POTEC: variants seen among roughly 807,000 people sequenced by gnomAD.
The protein encoded by POTEC is POTE ankyrin domain family member C, also known as ANKRD26-like family B member 2.
Under a neutral mutation model 62.0 loss-of-function variants are expected in POTEC, and 35 were observed. The observed-to-expected ratio is 0.56, with a 90% confidence interval of 0.43 to 0.75. POTEC has a LOEUF of 0.75. POTEC is among the 30% of genes least tolerant of loss of function. The pLI, the probability that POTEC is intolerant of heterozygous loss-of-function variation, is 0.00. For synonymous variants in POTEC, 156 were observed against 221.5 expected (o/e 0.70, Z 2.62); for missense variants, 472 against 655.9 (o/e 0.72, Z 3.06).
Position 14,528,683 on chromosome 18 carries a change from A to G in POTEC, c.1126+1800T>C, listed in dbSNP as rs1031241114. On this transcript the variant is annotated intron_variant, in intron 6 of 10. Transcript: ENST00000358970. Reference sequence around the variant, plus strand: ...ATCCTAGGATATCACTGAACAACCAAAACAACTCTGGTTCCTACTGTTTTA... The same window carrying G: ...ATCCTAGGATATCACTGAACAACCAGAACAACTCTGGTTCCTACTGTTTTA... 4.8e-5 allele frequency: 10 copies of G among 210,178 alleles called. No individual in the cohort carries two copies. In the Admixed American group the frequency reaches 5.3e-4, roughly 11 times the overall value. The allele number at this position is 210,178 out of a possible 1,614,324, so 13.0% of individuals were successfully genotyped here.
intron 9 of POTEC, among the ~76,000 whole-genome samples, chr18:14,518,133 T>G (rs1910213533): frequency 6.6e-6 from 1 of 152,176 alleles, no homozygotes; most frequent in Admixed American, 6.5e-5. Flanking sequence ...CAGGATAAAC[T>G]CCATTCACTC....
chr18:14,525,710 A>G (rs1910417670), intron 6 of POTEC, among the ~76,000 whole-genome samples: 1 of 151,376 alleles, frequency 6.6e-6, no homozygotes. Flanking sequence ...AAATCCGCTG[A>G]GCTGGTGTGC....
intron 7 of POTEC, 29 bp downstream of exon 7, chr18:14,524,884 C>A (rs770602444): frequency 1.6e-5 from 25 of 1,600,592 alleles, no homozygotes; most frequent in Non-Finnish European, 1.7e-5. Context: ...AACATTAAAT[C>A]AAAAATTTAA....
At chr18:14,531,219 C>G (rs1181771171) in intron 5 of POTEC, among the ~76,000 whole-genome samples, 1 of 151,540 alleles carries the variant, frequency 6.6e-6, no homozygotes, top group Non-Finnish European at 1.5e-5. Context: ...TTTCATAAAT[C>G]TCTCATTAAA....
chr18:14,541,444 G>A (rs911389377), intron 1 of POTEC, among the ~76,000 whole-genome samples: 62 of 152,132 alleles, frequency 4.1e-4, no homozygotes, highest in African/African-American at 1.4e-3. Flanking sequence ...AGGAGTTCAA[G>A]ACCAGCCTGG....
intron 9 of POTEC, among the ~76,000 whole-genome samples, chr18:14,521,333 A>G (rs1910301060): frequency 6.6e-6 from 1 of 152,200 alleles, no homozygotes; most frequent in African/African-American, 2.4e-5. Flanking sequence ...ACCAAACTAA[A>G]TGCTTTAAAT....
In POTEC at chr18:14,509,435, G is replaced by T. The variant is rs1476304534; in HGVS notation, c.*2463C>A. On this transcript the variant is annotated 3_prime_UTR_variant, in exon 11 of 11. Coordinates refer to ENST00000358970, the MANE Select transcript of POTEC (RefSeq NM_001137671.2). ...GCCCACCATGGCTTCATCTTCAGTG[G>T]CAGTTGGTGTGGGTTGGGGTGTGTG... 2 of 151,744 alleles carry T rather than the reference G, an allele frequency of 1.3e-5. No homozygotes were observed. The highest frequency in any genetic ancestry group is 4.8e-5 in the African/African-American group (2 of 41,294). The allele number at this position is 151,744 out of a possible 1,614,324, so 9.4% of individuals were successfully genotyped here. A position where few individuals can be genotyped will look rare whatever the true frequency, so the allele number is the denominator to read the frequency against.
In POTEC at chr18:14,521,856, G is replaced by A. The variant is rs181932083; in HGVS notation, c.1409+398C>T. On this transcript the variant is annotated intron_variant, in intron 9 of 10. Coordinates refer to ENST00000358970, the MANE Select transcript of POTEC (RefSeq NM_001137671.2). ...ATAACAGACACCAGGGTCTACTTGA[G>A]GGTGGAGTGTGGCAGGAGGGAGACG... 2.7e-3 allele frequency among the ~76,000 whole-genome samples: 413 copies of A among 152,214 alleles called. 3 individuals are homozygous for A. Among genetic ancestry groups the A allele is most frequent in the African/African-American group, 9.4e-3 (390 of 41,544 alleles).
chr18:14,516,761 A>G (rs559433946), intron 9 of POTEC, among the ~76,000 whole-genome samples: 5 of 151,702 alleles, frequency 3.3e-5, no homozygotes, highest in African/African-American at 1.2e-4. Flanking sequence ...TTGAAAATAA[A>G]ATGACCTGGT....
At chr18:14,533,526 A>G (rs1178613599) in intron 4 of POTEC, among the ~76,000 whole-genome samples, 2 of 152,160 alleles carry the variant, frequency 1.3e-5, no homozygotes, top group Admixed American at 1.3e-4. Context: ...AGATTTTGTC[A>G]CAGCTTCCCT....
At chr18:14,530,445 A>C in intron 6 of POTEC, 38 bp downstream of exon 6, 1 of 1,601,482 alleles carries the variant, frequency 6.2e-7, no homozygotes, top group Non-Finnish European at 8.5e-7. Context: ...AACATTGTGG[A>C]CAACTGACCT....
At chr18:14,518,106 TAATC>T (rs1249642555) in intron 9 of POTEC, among the ~76,000 whole-genome samples, 1 of 152,178 alleles carries the variant, frequency 6.6e-6, no homozygotes, top group Non-Finnish European at 1.5e-5. Flanking sequence ...AAGTGAGAAT[TAATC>T]AAACAATATA....
At chr18:14,516,609 C>A (rs1350635173) in intron 9 of POTEC, among the ~76,000 whole-genome samples, 1 of 145,442 alleles carries the variant, frequency 6.9e-6, no homozygotes, top group East Asian at 2.0e-4. Flanking sequence ...TCTCTCAACA[C>A]CTGGGAATTA....
At chr18:14,514,939 T>C (rs1235222217) in intron 9 of POTEC, among the ~76,000 whole-genome samples, 1 of 152,134 alleles carries the variant, frequency 6.6e-6, no homozygotes, top group African/African-American at 2.4e-5. Flanking sequence ...ATATCAAGAA[T>C]CCAATCCTTT....
rs767689855 is a variant in POTEC, at chr18:14,542,704, C to G, written c.443G>C (p.Trp148Ser). 1.9e-6 allele frequency: 3 copies of G among 1,613,060 alleles called. No individual in the cohort carries two copies. In the African/African-American group the frequency reaches 4.0e-5, roughly 22 times the overall value. The change falls in exon 1 of 11, where the codon TGG (tryptophan) becomes TCG (serine). Residue 148 changes from tryptophan to serine, a missense_variant. Physicochemically the swap from Trp to Ser is radical, Grantham distance 177 (BLOSUM62 -3). This residue lies in a region of POTEC where 257 missense variants were observed against 250.7 expected (regional missense o/e 1.03). Coordinates refer to ENST00000358970, the MANE Select transcript of POTEC (RefSeq NM_001137671.2). Reference sequence around the variant, plus strand: ...ATCCTTTCTGGGGACCTTACCCCACCAGGCAGCTCTGTGGAGCTTGTCCAG... The same window carrying G: ...ATCCTTTCTGGGGACCTTACCCCACGAGGCAGCTCTGTGGAGCTTGTCCAG... ...EDLDKLHRAA[W>S]WGKVPRKDLI...
chr18:14,518,111 A>T (rs927855158), intron 9 of POTEC, among the ~76,000 whole-genome samples: 8 of 152,204 alleles, frequency 5.3e-5, no homozygotes, highest in African/African-American at 1.9e-4. Context: ...AGAATTAATC[A>T]AACAATATAT....
At chr18:14,540,365 T>C (rs1169122280) in intron 1 of POTEC, among the ~76,000 whole-genome samples, 7 of 152,302 alleles carry the variant, frequency 4.6e-5, no homozygotes, top group Admixed American at 1.3e-4. Flanking sequence ...CAGATGTTCA[T>C]TGCAGAAATC....
Position 14,530,584 on chromosome 18 carries a change from C to T in POTEC, c.1056-31G>A, listed in dbSNP as rs549646016. On this transcript the variant is annotated intron_variant, in intron 5 of 10. Coordinates refer to ENST00000358970, the MANE Select transcript of POTEC (RefSeq NM_001137671.2). ...TATAAAAATGTAATAAACCAAATTA[C>T]TATTTTAATACTGATATAAAAAATA... 5.5e-6 allele frequency: 8 copies of T among 1,450,434 alleles called. No individual in the cohort carries two copies. The Admixed American group carries it at 1.0e-4, about 19-fold the overall frequency. 89.8% of individuals were successfully genotyped at this position (1,450,434 alleles called of 1,614,324 possible).
chr18:14,539,442 T>G (rs1424615800), intron 1 of POTEC, among the ~76,000 whole-genome samples: 1 of 141,012 alleles, frequency 7.1e-6, no homozygotes, highest in Non-Finnish European at 1.5e-5. Context: ...CTCCACCCTC[T>G]GATAGGCCCC....
Sources: gnomAD v4.1 joint callset for allele counts (sites outside exome capture counted in the v4.1 genomes callset) on GRCh38, gnomAD v4.1.1 for gene constraint, gnomAD v4.1.1 regional missense constraint, MANE v1.5 for transcripts, NCBI Gene and HGNC (gene_info 2026-07-23, HGNC 2026-07-21) for gene names.